CNN3: variants seen among roughly 807,000 people sequenced by gnomAD.
CNN3 encodes the protein calponin-3.
Under a neutral mutation model 39.0 loss-of-function variants are expected in CNN3, and 11 were observed. The ratio of observed to expected loss-of-function variants is 0.28; its 90% CI spans 0.18 to 0.47. The LOEUF (loss-of-function observed/expected upper bound fraction) is 0.47, where lower values mean the gene tolerates loss of function less well. Among genes scored for constraint, CNN3 ranks in the 20% least tolerant of loss-of-function variants. CNN3 has a pLI of 0.99. For missense variants in CNN3, 266 were observed against 403.4 expected (o/e 0.66, Z 2.92); for synonymous variants, 101 against 138.3 (o/e 0.73, Z 1.89).
intron 1 of CNN3, among the ~76,000 whole-genome samples, chr1:94,912,813 A>G (rs1571528123): frequency 6.6e-6 from 1 of 152,318 alleles, no homozygotes; most frequent in African/African-American, 2.4e-5. Context: ...GTAATCTTAG[A>G]TGGCCCACTA....
chr1:94,902,308 A>G, intron 3 of CNN3, 50 bp from the exon 4 acceptor site: 1 of 1,519,346 alleles, frequency 6.6e-7, no homozygotes, highest in Non-Finnish European at 9.0e-7. Context: ...ATTGACATTC[A>G]TAATTTCTAA....
chr1:94,924,907 C>T (rs551355336), intron 1 of CNN3, among the ~76,000 whole-genome samples: 2 of 152,226 alleles, frequency 1.3e-5, no homozygotes, highest in African/African-American at 2.4e-5. Flanking sequence ...AAAAATGAAA[C>T]GGGTTATTAA....
rs1461377958 is a variant in CNN3 at position 94,926,820 on chromosome 1, C to G, written c.57+18G>C. The G allele has an allele frequency of 1.2e-6, 2 of 1,608,884 alleles. No homozygotes were observed. Among genetic ancestry groups the G allele is most frequent in the South Asian group, 2.2e-5 (2 of 90,308 alleles). On this transcript the variant is annotated intron_variant, in intron 1 of 6. Coordinates refer to ENST00000370206, the MANE Select transcript of CNN3 (RefSeq NM_001839.5). The surrounding 1 kb of genome is among the most constrained non-coding windows in gnomAD (Gnocchi z 4.2). ...AGGGTGCCCCGGGGGCCCCCGCGCC[C>G]GCCCGAGCCAGGCGTACCTTGTTCT...
At chr1:94,898,707 CG>C (rs1670786375) in intron 6 of CNN3, among the ~76,000 whole-genome samples, 1 of 152,152 alleles carries the variant, frequency 6.6e-6, no homozygotes, top group Non-Finnish European at 1.5e-5. Context: ...GAAAAGTAAA[CG>C]TGAGTGGCAG....
At chr1:94,911,560 G>A (rs914392165) in intron 1 of CNN3, among the ~76,000 whole-genome samples, 3 of 152,140 alleles carry the variant, frequency 2.0e-5, no homozygotes, top group African/African-American at 7.2e-5. Context: ...GATCACTTGA[G>A]TCCTTTGAGA....
chr1:94,917,139 T>A (rs1369414453), intron 1 of CNN3, among the ~76,000 whole-genome samples: 1 of 152,156 alleles, frequency 6.6e-6, no homozygotes, highest in Non-Finnish European at 1.5e-5. Flanking sequence ...CAGGTTCAAG[T>A]GATTCTCCTG....
At chr1:94,913,024 T>G (rs1671203785) in intron 1 of CNN3, among the ~76,000 whole-genome samples, 1 of 152,184 alleles carries the variant, frequency 6.6e-6, no homozygotes, top group Admixed American at 6.5e-5. Flanking sequence ...TTTTGGTCAT[T>G]AATGACTTGG....
Position 94,902,164 on chromosome 1 carries a change from T to C in CNN3, c.341A>G (p.Asn114Ser), listed in dbSNP as rs922091355. 7 of 1,613,604 alleles carry C rather than the reference T, an allele frequency of 4.3e-6. No homozygotes were observed. Among genetic ancestry groups the C allele is most frequent in the Non-Finnish European group, 5.9e-6 (7 of 1,179,610 alleles). The change falls in exon 4 of 7, where the codon AAC (asparagine) becomes AGC (serine). Residue 114 changes from asparagine (N) to serine (S), a missense_variant. Physicochemically the swap from Asn to Ser is conservative, Grantham distance 46 (BLOSUM62 1). Transcript: ENST00000370206. ...CAGAGTAGTCTGAACCTGGGTCATG[T>C]TTCCATTCTCAAAAAGATCATTTGC... ...FEANDLFENGNMTQVQTTLVA... is the reference protein window; with the variant it reads ...FEANDLFENGSMTQVQTTLVA...
chr1:94,907,786 G>A (rs1024579532), intron 1 of CNN3, among the ~76,000 whole-genome samples: 5 of 152,210 alleles, frequency 3.3e-5, no homozygotes, highest in African/African-American at 1.2e-4. Flanking sequence ...TGTGAACCCG[G>A]GAGGCGGGGC....
chr1:94,926,407 G>C lies in CNN3; in HGVS notation c.57+431C>G, dbSNP rs1021557851. On this transcript the variant is annotated intron_variant, in intron 1 of 6. Coordinates refer to ENST00000370206, the MANE Select transcript of CNN3 (RefSeq NM_001839.5). This position sits in a 1 kb window ranked among gnomAD's most constrained non-coding sequence, Gnocchi z 4.2. ...GGAGTCCGCCAGCACCCGGGGCCCGGGCAGATGGCGGGGGCTGCGGCAGCG... is the reference window on the plus strand; with the variant it reads ...GGAGTCCGCCAGCACCCGGGGCCCGCGCAGATGGCGGGGGCTGCGGCAGCG... Among the ~76,000 whole-genome samples, 2 of 152,308 alleles carry C rather than the reference G, an allele frequency of 1.3e-5. No homozygotes were observed. Among genetic ancestry groups the C allele is most frequent in the Middle Eastern group, 6.8e-3 (2 of 292 alleles).
Position 94,897,162 on chromosome 1 carries a change from G to C in CNN3, c.*580C>G, listed in dbSNP as rs949861988. 6.5e-6 allele frequency: 1 copy of C among 152,872 alleles called. No individual in the cohort carries two copies. Among genetic ancestry groups the C allele is most frequent in the African/African-American group, 2.4e-5 (1 of 41,398 alleles). The allele number at this position is 152,872 out of a possible 1,614,324, so 9.5% of individuals were successfully genotyped here. Reference sequence around the variant, plus strand: ...TCTTTTAGAAACACCACTCTGAAAAGATCTTGTTCGCTAGGTAAGAGAATG... The same window carrying C: ...TCTTTTAGAAACACCACTCTGAAAACATCTTGTTCGCTAGGTAAGAGAATG... On this transcript the variant is annotated 3_prime_UTR_variant, in exon 7 of 7. Transcript: ENST00000370206.
chr1:94,906,983 T>C (rs1671017004), intron 1 of CNN3, among the ~76,000 whole-genome samples: 1 of 152,196 alleles, frequency 6.6e-6, no homozygotes, highest in Non-Finnish European at 1.5e-5. Flanking sequence ...ACCTTCTCTG[T>C]TGACAGTTCT....
At position 94,926,688 on chromosome 1, in the gene CNN3, C is replaced by T; in HGVS notation, c.57+150G>A. ...CGCAAGCCCGGGGACTGGACGCGAC[C>T]GGGACAGGCAGAGACGCTCGCGCCG... On this transcript the variant is annotated intron_variant, in intron 1 of 6. Transcript: ENST00000370206. The surrounding 1 kb of genome is among the most constrained non-coding windows in gnomAD (Gnocchi z 4.2). The T allele has an allele frequency of 3.5e-6, 3 of 854,524 alleles. No individual in the cohort carries two copies. Among genetic ancestry groups the T allele is most frequent in the Non-Finnish European group, 5.4e-6 (3 of 557,206 alleles). 52.9% of individuals were successfully genotyped at this position (854,524 alleles called of 1,614,324 possible). A position where few individuals can be genotyped will look rare whatever the true frequency, so the allele number is the denominator to read the frequency against.
intron 4 of CNN3, 161 bp from the exon 5 acceptor site, chr1:94,901,946 A>G (rs1670879050): frequency 4.2e-5 from 30 of 713,572 alleles, no homozygotes; most frequent in Middle Eastern, 2.4e-4. Flanking sequence ...TGAGTGTTCT[A>G]AGTAAGCTAT....
In CNN3 at chr1:94,926,575, A is replaced by C. The variant is rs1264496212; in HGVS notation, c.57+263T>G. ...CAGCCGGAAAGGCTGGCGCCGCGGGACTCCAGGCGCCCGGGAACCCACCGC... is the reference window on the plus strand; with the variant it reads ...CAGCCGGAAAGGCTGGCGCCGCGGGCCTCCAGGCGCCCGGGAACCCACCGC... On this transcript the variant is annotated intron_variant, in intron 1 of 6. Coordinates refer to ENST00000370206, the MANE Select transcript of CNN3 (RefSeq NM_001839.5). This position sits in a 1 kb window ranked among gnomAD's most constrained non-coding sequence, Gnocchi z 4.2. Among the ~76,000 whole-genome samples, 1 of 150,494 alleles carries C rather than the reference A, an allele frequency of 6.6e-6. No individual in the cohort carries two copies. The highest frequency in any genetic ancestry group is 2.5e-5 in the African/African-American group (1 of 40,738).
At chr1:94,916,417 G>A (rs1671280854) in intron 1 of CNN3, among the ~76,000 whole-genome samples, 1 of 152,046 alleles carries the variant, frequency 6.6e-6, no homozygotes, top group Non-Finnish European at 1.5e-5. Context: ...AGGGAGTGGG[G>A]AACAGAGGAC....
At chr1:94,898,131 T>A in intron 6 of CNN3, 48 bp from the exon 7 acceptor site, 1 of 1,481,900 alleles carries the variant, frequency 6.7e-7, no homozygotes, top group Non-Finnish European at 9.2e-7. Flanking sequence ...CTAGAATCTA[T>A]TCTTGTGAAT....
At position 94,901,350 on chromosome 1, in the gene CNN3, T is replaced by G. The variant is rs573176536; in HGVS notation, c.501+319A>C. On this transcript the variant is annotated intron_variant, in intron 5 of 6. Coordinates refer to ENST00000370206, the MANE Select transcript of CNN3 (RefSeq NM_001839.5). Reference sequence around the variant, plus strand: ...GCCTGGGCAAAAGAGTGAGACTCTGTCTCAAAAAAAAAAAGATAAAATAAA... The same window carrying G: ...GCCTGGGCAAAAGAGTGAGACTCTGGCTCAAAAAAAAAAAGATAAAATAAA... Among the ~76,000 whole-genome samples, 7 of 147,544 alleles carry G rather than the reference T, an allele frequency of 4.7e-5. No homozygotes were observed. The East Asian group carries it at 1.4e-3, about 29-fold the overall frequency.
In CNN3 at chr1:94,898,124, G is replaced by C. The variant is rs779807080; in HGVS notation, c.649-41C>G. 1.4e-5 allele frequency: 21 copies of C among 1,520,724 alleles called. No homozygotes were observed. The East Asian group carries it at 4.1e-4, about 29-fold the overall frequency. The allele number at this position is 1,520,724 out of a possible 1,614,324, so 94.2% of individuals were successfully genotyped here. A position where few individuals can be genotyped will look rare whatever the true frequency, so the allele number is the denominator to read the frequency against. On this transcript the variant is annotated intron_variant, in intron 6 of 6. Transcript: ENST00000370206. ...AGTATAAAAGTTAAAACAGCAGCTA[G>C]AATCTATTCTTGTGAATAATTTATA...
Sources: gnomAD v4.1 joint callset for allele counts (sites outside exome capture counted in the v4.1 genomes callset) on GRCh38, gnomAD v4.1.1 for gene constraint, Gnocchi (gnomAD v3.1) non-coding constraint, MANE v1.5 for transcripts, NCBI Gene and HGNC (gene_info 2026-07-23, HGNC 2026-07-21) for gene names.